STX6: variants seen among roughly 807,000 people sequenced by gnomAD.
STX6 encodes syntaxin 6.
Under a neutral mutation model 38.0 loss-of-function variants are expected in STX6, and 23 were observed. The ratio of observed to expected loss-of-function variants is 0.60; its 90% CI spans 0.43 to 0.86. The LOEUF is 0.86. STX6 is among the 40% of genes least tolerant of loss of function. STX6 has a pLI of 0.00. For missense variants in STX6, 274 were observed against 312.9 expected (o/e 0.88, Z 0.94); for synonymous variants, 123 against 107.5 (o/e 1.14, Z -0.89).
intron 1 of STX6, among the ~76,000 whole-genome samples, chr1:181,006,226 C>T (rs537511431): frequency 6.6e-6 from 1 of 152,038 alleles, no homozygotes; most frequent in Admixed American, 6.6e-5. Context: ...CCACGCCTGG[C>T]TAATTTTTGT....
At chr1:180,982,180 C>T (rs1655436238) in intron 7 of STX6, among the ~76,000 whole-genome samples, 1 of 152,192 alleles carries the variant, frequency 6.6e-6, no homozygotes, top group African/African-American at 2.4e-5. Context: ...ACTACTTAAT[C>T]ACACTTCGCT....
intron 7 of STX6, among the ~76,000 whole-genome samples, chr1:180,979,215 C>A (rs1655336375): frequency 6.6e-6 from 1 of 151,952 alleles, no homozygotes. Context: ...CTGAGCTTCA[C>A]AATTTGTCAA....
chr1:180,988,269 C>T lies in STX6; in HGVS notation c.566G>A (p.Arg189His), dbSNP rs148101006. 116 of 1,613,822 alleles carry T rather than the reference C, an allele frequency of 7.2e-5. No individual in the cohort carries two copies. The African/African-American group carries it at 1.0e-3, about 14-fold the overall frequency. ...SIGVLKNMSQRIGGELEEQAV... is the reference protein window; with the variant it reads ...SIGVLKNMSQHIGGELEEQAV... ...CTGTTCCTCCAGCTCCCCTCCGATG[C>T]GCTGGGACATGTTCTTCAGCACCCC... The change falls in exon 6 of 8, where the codon CGC (arginine) becomes CAC (histidine). Residue 189 changes from arginine to histidine, a missense_variant. Transcript: ENST00000258301.
chr1:181,007,696 T>C (rs1458568619), intron 1 of STX6, among the ~76,000 whole-genome samples: 2 of 152,172 alleles, frequency 1.3e-5, no homozygotes, highest in Admixed American at 6.5e-5. Flanking sequence ...ACTTTTTTGG[T>C]CTCAGGAGAC....
chr1:181,003,277 C>A (rs1342996437), intron 2 of STX6, among the ~76,000 whole-genome samples: 2 of 152,146 alleles, frequency 1.3e-5, no homozygotes, highest in African/African-American at 4.8e-5. Flanking sequence ...TACCATCTGT[C>A]CCCCATCCCT....
intron 3 of STX6, among the ~76,000 whole-genome samples, chr1:181,001,993 ACATGGT>A (rs1656092959): frequency 6.6e-6 from 1 of 152,182 alleles, no homozygotes; most frequent in Admixed American, 6.5e-5. Flanking sequence ...AGCCTGAGCA[ACATGGT>A]GAACCCTGTC....
chr1:180,986,878 T>G (rs1281245995), intron 6 of STX6, among the ~76,000 whole-genome samples: 1 of 152,160 alleles, frequency 6.6e-6, no homozygotes, highest in South Asian at 2.1e-4. Flanking sequence ...CTCAGGCCAT[T>G]AGTCCTTTCC....
At chr1:181,013,202 A>C (rs2102331122) in intron 1 of STX6, among the ~76,000 whole-genome samples, 1 of 152,280 alleles carries the variant, frequency 6.6e-6, no homozygotes, top group African/African-American at 2.4e-5. Context: ...CATCTAACCA[A>C]GTTTGCCAAG....
At chr1:180,989,930 A>C in intron 5 of STX6, 54 bp downstream of exon 5, 1 of 1,606,006 alleles carries the variant, frequency 6.2e-7, no homozygotes, top group East Asian at 2.2e-5. Context: ...AAAGGAACTA[A>C]GGGGGTGTCT....
intron 3 of STX6, among the ~76,000 whole-genome samples, chr1:181,002,035 T>C (rs1656095004): frequency 6.6e-6 from 1 of 152,102 alleles, no homozygotes; most frequent in African/African-American, 2.4e-5. Flanking sequence ...CCTGGTGTGG[T>C]GGTGCACGCC....
At chr1:180,983,380 C>A (rs12744212) in intron 7 of STX6, among the ~76,000 whole-genome samples, 85,041 of 152,046 alleles carry the variant, frequency 0.56, 24,134 homozygotes, top group East Asian at 0.63. Flanking sequence ...TTCAGATTAC[C>A]TCAAGGAGCA....
At chr1:180,996,689 C>T (rs1031700610) in intron 3 of STX6, among the ~76,000 whole-genome samples, 18 of 152,128 alleles carry the variant, frequency 1.2e-4, no homozygotes, top group African/African-American at 4.1e-4. Flanking sequence ...CCTCCCACCT[C>T]AGCCTCCCAA....
At chr1:181,022,551 C>T (rs1656769848) in intron 1 of STX6, 88 bp downstream of exon 1, 6 of 1,412,158 alleles carry the variant, frequency 4.2e-6, no homozygotes, top group Non-Finnish European at 5.9e-6. Flanking sequence ...AACTTGCCTC[C>T]CCTCCCCCCA....
At chr1:181,020,435 T>C (rs1300977388) in intron 1 of STX6, among the ~76,000 whole-genome samples, 1 of 152,212 alleles carries the variant, frequency 6.6e-6, no homozygotes, top group Admixed American at 6.5e-5. Flanking sequence ...TTCCTTTATA[T>C]TTTACTGCGG....
At chr1:180,999,241 A>C (rs1423179496) in intron 3 of STX6, among the ~76,000 whole-genome samples, 1 of 152,234 alleles carries the variant, frequency 6.6e-6, no homozygotes, top group Non-Finnish European at 1.5e-5. Flanking sequence ...TGAATGACTT[A>C]CCATGGTTAA....
intron 1 of STX6, among the ~76,000 whole-genome samples, chr1:181,015,442 C>T (rs186222752): frequency 1.3e-5 from 2 of 152,106 alleles, no homozygotes; most frequent in East Asian, 3.9e-4. Context: ...ATTTTTGACT[C>T]CTCCTCCTCC....
chr1:180,989,849 A>T, intron 5 of STX6, 135 bp downstream of exon 5: 1 of 1,086,330 alleles, frequency 9.2e-7, no homozygotes, highest in Non-Finnish European at 1.3e-6. Flanking sequence ...TGCAATTATT[A>T]AACACAATCA....
At position 180,973,414 on chromosome 1, in the gene STX6, T is replaced by G. The variant is rs866360632; in HGVS notation, c.*3156A>C. On this transcript the variant is annotated 3_prime_UTR_variant, in exon 8 of 8. Coordinates refer to ENST00000258301, the MANE Select transcript of STX6 (RefSeq NM_005819.6). ...AAAGAAAAATCTTGGCTCTACCATC[T>G]CTACTTACAGAAGGTAAAACACTTA... 1 of 152,682 alleles carries G rather than the reference T, an allele frequency of 6.5e-6. No individual in the cohort carries two copies. The highest frequency in any genetic ancestry group is 2.4e-5 in the African/African-American group (1 of 41,468). 9.5% of individuals were successfully genotyped at this position (152,682 alleles called of 1,614,324 possible). A position where few individuals can be genotyped will look rare whatever the true frequency, so the allele number is the denominator to read the frequency against.
At position 180,976,513 on chromosome 1, in the gene STX6, T is replaced by C; in HGVS notation, c.*57A>G. On this transcript the variant is annotated 3_prime_UTR_variant, in exon 8 of 8. Coordinates refer to ENST00000258301, the MANE Select transcript of STX6 (RefSeq NM_005819.6). ...GACGGCAATGTCACACGTGCTCAGC[T>C]TCTCCTCCTCCCCTCGGTTCATATG... The C allele has an allele frequency of 6.8e-7, 1 of 1,477,320 alleles. No homozygotes were observed. Among genetic ancestry groups the C allele is most frequent in the Admixed American group, 1.7e-5 (1 of 59,824 alleles). 91.5% of individuals were successfully genotyped at this position (1,477,320 alleles called of 1,614,324 possible).
Sources: gnomAD v4.1 joint callset for allele counts (sites outside exome capture counted in the v4.1 genomes callset) on GRCh38, gnomAD v4.1.1 for gene constraint, MANE v1.5 for transcripts, NCBI Gene and HGNC (gene_info 2026-07-23, HGNC 2026-07-21) for gene names.